KIRREL3: variants seen among roughly 807,000 people sequenced by gnomAD.
KIRREL3 encodes the protein kin of IRRE-like protein 3.
A neutral mutation model predicts 89.7 loss-of-function variants in KIRREL3; 36 were observed. The observed-to-expected ratio is 0.40, with a 90% CI of 0.31 to 0.53. The LOEUF (loss-of-function observed/expected upper bound fraction) is 0.53, where lower values mean the gene tolerates loss of function less well. Among genes scored for constraint, KIRREL3 ranks in the 20% least tolerant of loss-of-function variants. KIRREL3 has a pLI of 0.49. For missense variants in KIRREL3, 864 were observed against 1,056.6 expected (o/e 0.82, Z 2.53); for synonymous variants, 445 against 441.4 (o/e 1.01, Z -0.10).
intron 2 of KIRREL3, chr11:126,549,561 C>CAACTT (rs986296833): frequency 4.6e-5 from 7 of 152,230 alleles, no homozygotes; most frequent in African/African-American, 1.4e-4. Flanking sequence ...TCGTTTATTC[C>CAACTT]AACTTCTCTG....
At chr11:126,524,052 A>G (rs1468604637) in intron 3 of KIRREL3, among the ~76,000 whole-genome samples, 1 of 152,212 alleles carries the variant, frequency 6.6e-6, no homozygotes, top group African/African-American at 2.4e-5. Context: ...CTACTCCCAA[A>G]GGAGGCAAAA....
intron 1 of KIRREL3, among the ~76,000 whole-genome samples, chr11:126,829,063 G>A (rs1409577791): frequency 6.6e-6 from 1 of 152,232 alleles, no homozygotes; most frequent in African/African-American, 2.4e-5. Flanking sequence ...CTGCCTGCAA[G>A]TGTTCCCTGA....
chr11:126,771,403 T>C lies in KIRREL3; in HGVS notation c.56-208491A>G, dbSNP rs1464910208. 1.3e-5 allele frequency among the ~76,000 whole-genome samples: 2 copies of C among 152,192 alleles called. No homozygotes were observed. The highest frequency in any genetic ancestry group is 3.9e-4 in the East Asian group (2 of 5,190). On this transcript the variant is annotated intron_variant, in intron 1 of 16. Coordinates refer to ENST00000525144, the MANE Select transcript of KIRREL3 (RefSeq NM_032531.4). The surrounding 1 kb of genome is among the most constrained non-coding windows in gnomAD (Gnocchi z 4.4). ...CCACTCTACAATGCTCCCTGCACTG[T>C]GCCCTGCCTGGAATCTCCTTCATGG... is the stretch of plus-strand genomic sequence containing the variant.
At position 126,684,773 on chromosome 11, in the gene KIRREL3, T is replaced by A. The variant is rs1946603758; in HGVS notation, c.56-121861A>T. ...TTTGCTTTGGTATTCATTAGTCATT[T>A]AACACCTCTAAAGAAAGGAAAGGTG... On this transcript the variant is annotated intron_variant, in intron 1 of 16. Transcript: ENST00000525144. This position sits in a 1 kb window ranked among gnomAD's most constrained non-coding sequence, Gnocchi z 4.2. Among the ~76,000 whole-genome samples the A allele has an allele frequency of 6.6e-6, 1 of 152,182 alleles. No individual in the cohort carries two copies. The highest frequency in any genetic ancestry group is 2.4e-5 in the African/African-American group (1 of 41,448).
Position 126,721,360 on chromosome 11 carries a change from G to A in KIRREL3, c.56-158448C>T, listed in dbSNP as rs988960032. Among the ~76,000 whole-genome samples the A allele has an allele frequency of 5.9e-5, 9 of 152,042 alleles. No individual in the cohort carries two copies. The East Asian group carries it at 7.8e-4, about 13-fold the overall frequency. ...AGCTTGACCAACATGGAGAAACCCC[G>A]TCTCTATTAAAAATACAAAATTAGC... On this transcript the variant is annotated intron_variant, in intron 1 of 16. Coordinates refer to ENST00000525144, the MANE Select transcript of KIRREL3 (RefSeq NM_032531.4).
intron 1 of KIRREL3, among the ~76,000 whole-genome samples, chr11:126,923,955 C>T (rs1947584982): frequency 6.6e-6 from 1 of 152,208 alleles, no homozygotes; most frequent in Non-Finnish European, 1.5e-5. Context: ...TTCACATGAT[C>T]CTGATGTGGC....
chr11:126,699,619 T>A (rs1038763909), intron 1 of KIRREL3, among the ~76,000 whole-genome samples: 1 of 152,206 alleles, frequency 6.6e-6, no homozygotes, highest in African/African-American at 2.4e-5. Flanking sequence ...GGTAATGTCT[T>A]CAAAGTCTGG....
chr11:126,654,966 C>T (rs1375100654), intron 1 of KIRREL3, among the ~76,000 whole-genome samples: 2 of 152,200 alleles, frequency 1.3e-5, no homozygotes, highest in Non-Finnish European at 2.9e-5. Flanking sequence ...CTGTCCTCAA[C>T]ATGATAGCTC....
At chr11:126,851,499 T>C (rs944698010) in intron 1 of KIRREL3, among the ~76,000 whole-genome samples, 1 of 152,202 alleles carries the variant, frequency 6.6e-6, no homozygotes, top group Non-Finnish European at 1.5e-5. Context: ...CTAAGGGGAA[T>C]GCCATGGGAG....
chr11:126,827,181 T>C (rs1943445873), intron 1 of KIRREL3, among the ~76,000 whole-genome samples: 2 of 30,862 alleles, frequency 6.5e-5, no homozygotes, highest in South Asian at 2.5e-3. Context: ...CAGATTCAGA[T>C]TTTTTTTTTT....
chr11:126,681,113 T>C (rs775529801), intron 1 of KIRREL3, among the ~76,000 whole-genome samples: 1 of 152,178 alleles, frequency 6.6e-6, no homozygotes, highest in Non-Finnish European at 1.5e-5. Flanking sequence ...TAAAGGGACT[T>C]GTAGCTCTCT....
chr11:126,861,233 A>G (rs1485172001), intron 1 of KIRREL3, among the ~76,000 whole-genome samples: 1 of 152,176 alleles, frequency 6.6e-6, no homozygotes, highest in African/African-American at 2.4e-5. Context: ...AACAGCACCC[A>G]TGCAGGTGTC....
At position 126,734,424 on chromosome 11, in the gene KIRREL3, G is replaced by A. The variant is rs1465253397; in HGVS notation, c.56-171512C>T. On this transcript the variant is annotated intron_variant, in intron 1 of 16. Coordinates refer to ENST00000525144, the MANE Select transcript of KIRREL3 (RefSeq NM_032531.4). The surrounding 1 kb of genome is among the most constrained non-coding windows in gnomAD (Gnocchi z 5.9). ...CATGCATGTAATCCCAGCACTTTGC[G>A]TGGCTGAGGTGGGTGGATCACCTGA... 3.3e-5 allele frequency among the ~76,000 whole-genome samples: 5 copies of A among 152,122 alleles called. No individual in the cohort carries two copies. The South Asian group carries it at 8.3e-4, about 25-fold the overall frequency.
At chr11:126,871,597 C>T (rs1041848763) in intron 1 of KIRREL3, among the ~76,000 whole-genome samples, 4 of 152,176 alleles carry the variant, frequency 2.6e-5, no homozygotes, top group African/African-American at 7.2e-5. Context: ...TGTAGATCTA[C>T]TATGAGAAAA....
rs114994278 is a variant in KIRREL3, at chr11:126,906,163, T to G, written c.55+94292A>C. ...TTCCCTCACTCAGAGATAGGCTCTCTTTTCTCTCTGTACACTCCAGCTCCC... is the reference window on the plus strand; with the variant it reads ...TTCCCTCACTCAGAGATAGGCTCTCGTTTCTCTCTGTACACTCCAGCTCCC... On this transcript the variant is annotated intron_variant, in intron 1 of 16. Transcript: ENST00000525144. This position sits in a 1 kb window ranked among gnomAD's most constrained non-coding sequence, Gnocchi z 4.1. 0.011 allele frequency among the ~76,000 whole-genome samples: 1,729 copies of G among 152,260 alleles called. 32 individuals are homozygous for G. Among genetic ancestry groups the G allele is most frequent in the African/African-American group, 0.039 (1,620 of 41,540 alleles).
At position 126,987,925 on chromosome 11, in the gene KIRREL3, A is replaced by C. The variant is rs1949915748; in HGVS notation, c.55+12530T>G. 6.6e-6 allele frequency among the ~76,000 whole-genome samples: 1 copy of C among 152,080 alleles called. No homozygotes were observed. Among genetic ancestry groups the C allele is most frequent in the Admixed American group, 6.5e-5 (1 of 15,278 alleles). ...AGGTAAGTTGTACCAGCCGAGACCA[A>C]AGTGAAAAGAATCATAGGCTCTATG... On this transcript the variant is annotated intron_variant, in intron 1 of 16. Transcript: ENST00000525144. This position sits in a 1 kb window ranked among gnomAD's most constrained non-coding sequence, Gnocchi z 4.6.
intron 1 of KIRREL3, among the ~76,000 whole-genome samples, chr11:126,767,078 C>T (rs1949847927): frequency 6.6e-6 from 1 of 152,144 alleles, no homozygotes; most frequent in Admixed American, 6.5e-5. Flanking sequence ...TATGCCTGGC[C>T]CAGAGGGCCC....
At position 126,891,895 on chromosome 11, in the gene KIRREL3, A is replaced by T. The variant is rs545462488; in HGVS notation, c.55+108560T>A. 5.3e-5 allele frequency among the ~76,000 whole-genome samples: 8 copies of T among 152,358 alleles called. No individual in the cohort carries two copies. In the South Asian group the frequency reaches 1.4e-3, roughly 28 times the overall value. ...TAGCCCAGGGAAAGAAATCTTGCCC[A>T]AGAATACATATGAATATCTGCAAAA... On this transcript the variant is annotated intron_variant, in intron 1 of 16. Coordinates refer to ENST00000525144, the MANE Select transcript of KIRREL3 (RefSeq NM_032531.4). This position sits in a 1 kb window ranked among gnomAD's most constrained non-coding sequence, Gnocchi z 5.1.
rs1957760614 is a variant in KIRREL3, at chr11:126,498,863, G to T, written c.433+22452C>A. Reference sequence around the variant, plus strand: ...GGACCTCGACGCACGGAAACTTCTGGATCATTAAAGAAGCTGTGTGGGCCA... The same window carrying T: ...GGACCTCGACGCACGGAAACTTCTGTATCATTAAAGAAGCTGTGTGGGCCA... On this transcript the variant is annotated intron_variant, in intron 4 of 16. Transcript: ENST00000525144. The surrounding 1 kb of genome is among the most constrained non-coding windows in gnomAD (Gnocchi z 4.3). Among the ~76,000 whole-genome samples the T allele has an allele frequency of 6.6e-6, 1 of 152,196 alleles. No individual in the cohort carries two copies.
Sources: gnomAD v4.1 joint callset for allele counts (sites outside exome capture counted in the v4.1 genomes callset) on GRCh38, gnomAD v4.1.1 for gene constraint, Gnocchi (gnomAD v3.1) non-coding constraint, MANE v1.5 for transcripts, NCBI Gene and HGNC (gene_info 2026-07-23, HGNC 2026-07-21) for gene names.